NYAP2: variants seen among roughly 807,000 people sequenced by gnomAD.
The protein encoded by NYAP2 is neuronal tyrosine-phosphorylated phosphoinositide-3-kinase adapter 2.
Under a neutral mutation model 50.4 loss-of-function variants are expected in NYAP2, and 23 were observed. The observed-to-expected ratio is 0.46, with a 90% CI of 0.33 to 0.65. NYAP2 has a LOEUF of 0.65. Ranked by LOEUF, NYAP2 falls within the 30% of genes least tolerant of loss-of-function variation. NYAP2 has a pLI of 0.02. For synonymous variants in NYAP2, 394 were observed against 365.2 expected, an observed-to-expected ratio of 1.08 and a Z score of -0.90; for missense variants, 885 against 861.0, an observed-to-expected ratio of 1.03 and a Z score of -0.35.
At chr2:225,461,554 C>A (rs1045412390) in intron 3 of NYAP2, among the ~76,000 whole-genome samples, 1 of 152,184 alleles carries the variant, frequency 6.6e-6, no homozygotes. Flanking sequence ...CTCCTTGTAA[C>A]TTTTACCTTT....
intron 5 of NYAP2, among the ~76,000 whole-genome samples, chr2:225,613,823 A>C (rs1016680296): frequency 2.0e-5 from 3 of 152,146 alleles, no homozygotes; most frequent in African/African-American, 7.2e-5. Flanking sequence ...CTGTGATTTG[A>C]TTGGGGGAAG....
the NYAP2 span, among the ~76,000 whole-genome samples, chr2:225,660,845 C>T: frequency 2.0e-5 from 3 of 152,082 alleles, no homozygotes; most frequent in Non-Finnish European, 4.4e-5. Flanking sequence ...TTTAGGTTCT[C>T]TAACTTTTAA....
chr2:225,670,965 A>G, the NYAP2 span, among the ~76,000 whole-genome samples: 3 of 152,134 alleles, frequency 2.0e-5, no homozygotes, highest in African/African-American at 7.2e-5. Context: ...TAAAAATGCT[A>G]ACGATCATCT....
intron 4 of NYAP2, among the ~76,000 whole-genome samples, chr2:225,549,390 T>C (rs1691635401): frequency 6.6e-6 from 1 of 152,146 alleles, no homozygotes; most frequent in Admixed American, 6.5e-5. Context: ...TTGGTGTTAG[T>C]AAGTGCTCAG....
chr2:225,434,801 C>T (rs1689348202), intron 3 of NYAP2, among the ~76,000 whole-genome samples: 1 of 152,180 alleles, frequency 6.6e-6, no homozygotes, highest in Admixed American at 6.5e-5. Flanking sequence ...TTTATATATA[C>T]ACGTGTGTGT....
chr2:225,570,740 G>A (rs1376366705), intron 4 of NYAP2, among the ~76,000 whole-genome samples: 14 of 152,052 alleles, frequency 9.2e-5, no homozygotes, highest in Non-Finnish European at 1.6e-4. Flanking sequence ...CTGCCCCCTG[G>A]CCCCTCCCAA....
At chr2:225,411,447 T>C (rs1695037792) in intron 3 of NYAP2, among the ~76,000 whole-genome samples, 1 of 152,060 alleles carries the variant, frequency 6.6e-6, no homozygotes. Flanking sequence ...GGTATGACGA[T>C]TTTATGAAGC....
intron 6 of NYAP2, among the ~76,000 whole-genome samples, chr2:225,640,161 C>T (rs1167470272): frequency 6.6e-6 from 1 of 152,154 alleles, no homozygotes; most frequent in Non-Finnish European, 1.5e-5. Flanking sequence ...TGGAGATCAA[C>T]GTGAACAGGC....
At chr2:225,495,469 T>C (rs113085089) in intron 3 of NYAP2, among the ~76,000 whole-genome samples, 1 of 152,312 alleles carries the variant, frequency 6.6e-6, no homozygotes, top group African/African-American at 2.4e-5. Flanking sequence ...CCTCCCTATT[T>C]TTCCCTTTCA....
intron 3 of NYAP2, among the ~76,000 whole-genome samples, chr2:225,432,998 G>A (rs1258772468): frequency 6.6e-6 from 1 of 152,098 alleles, no homozygotes; most frequent in African/African-American, 2.4e-5. Flanking sequence ...ACATGACTAT[G>A]CCTAGCTGTA....
intron 3 of NYAP2, among the ~76,000 whole-genome samples, chr2:225,492,659 T>G (rs1690429734): frequency 6.6e-6 from 1 of 152,146 alleles, no homozygotes; most frequent in African/African-American, 2.4e-5. Flanking sequence ...TGGCATTTGC[T>G]TGACTTCTGG....
intron 3 of NYAP2, among the ~76,000 whole-genome samples, chr2:225,505,828 T>C (rs1690694106): frequency 6.6e-6 from 1 of 152,214 alleles, no homozygotes; most frequent in African/African-American, 2.4e-5. Context: ...GACATAGCTA[T>C]AGCCAGGTCT....
At chr2:225,491,656 C>T (rs1029995198) in intron 3 of NYAP2, among the ~76,000 whole-genome samples, 1 of 152,182 alleles carries the variant, frequency 6.6e-6, no homozygotes, top group African/African-American at 2.4e-5. Flanking sequence ...GATGGCTTCT[C>T]TCTAGTGGGC....
chr2:225,624,941 G>A (rs1414686999), intron 5 of NYAP2, among the ~76,000 whole-genome samples: 1 of 146,226 alleles, frequency 6.8e-6, no homozygotes, highest in East Asian at 2.1e-4. Flanking sequence ...ATATATGACA[G>A]CCTGTTCTAT....
intron 4 of NYAP2, among the ~76,000 whole-genome samples, chr2:225,529,460 G>C (rs1691213055): frequency 6.6e-6 from 1 of 151,832 alleles, no homozygotes; most frequent in Admixed American, 6.6e-5. Context: ...CGAGTAGCTG[G>C]CATTACAGAC....
intron 3 of NYAP2, among the ~76,000 whole-genome samples, chr2:225,425,437 C>T (rs1695272919): frequency 6.6e-6 from 1 of 152,124 alleles, no homozygotes; most frequent in African/African-American, 2.4e-5. Flanking sequence ...ATGTTAGAGG[C>T]CATTAAGCAA....
intron 3 of NYAP2, among the ~76,000 whole-genome samples, chr2:225,462,946 A>C (rs555254276): frequency 6.6e-6 from 1 of 152,216 alleles, no homozygotes; most frequent in Non-Finnish European, 1.5e-5. Context: ...TGTACTAATG[A>C]TCTGTAGCAG....
At chr2:225,676,388 AC>A in the NYAP2 span, among the ~76,000 whole-genome samples, 50 of 152,202 alleles carry the variant, frequency 3.3e-4, no homozygotes, top group African/African-American at 1.2e-3. Context: ...TTCTTCCAGC[AC>A]CATTTATTGA....
At chr2:225,429,494 A>G (rs959780864) in intron 3 of NYAP2, among the ~76,000 whole-genome samples, 1 of 152,214 alleles carries the variant, frequency 6.6e-6, no homozygotes, top group African/African-American at 2.4e-5. Context: ...GAATATTTTG[A>G]AGAACAAAGA....
Sources: gnomAD v4.1 joint callset for allele counts (sites outside exome capture counted in the v4.1 genomes callset) on GRCh38, gnomAD v4.1.1 for gene constraint, MANE v1.5 for transcripts, NCBI Gene and HGNC (gene_info 2026-07-23, HGNC 2026-07-21) for gene names.